The following GUCY2C variants were observed in gnomAD, a reference collection of about 807,000 sequenced individuals.
The protein encoded by GUCY2C is guanylate cyclase 2C, also known as guanylyl cyclase C.
A neutral mutation model predicts 131.1 loss-of-function variants in GUCY2C; 118 were observed. The observed-to-expected ratio is 0.90, with a 90% CI of 0.78 to 1.05. The LOEUF (loss-of-function observed/expected upper bound fraction) is 1.05, where lower values mean the gene tolerates loss of function less well. Among genes scored for constraint, GUCY2C ranks in the 50% least tolerant of loss-of-function variants. The pLI, the probability that GUCY2C is intolerant of heterozygous loss-of-function variation, is 0.00. For synonymous variants in GUCY2C, 452 were observed against 457.8 expected (o/e 0.99, Z 0.16); for missense variants, 1,161 against 1,304.4 (o/e 0.89, Z 1.69).
At chr12:14,642,333 T>C (rs902041178) in intron 17 of GUCY2C, among the ~76,000 whole-genome samples, 7 of 152,206 alleles carry the variant, frequency 4.6e-5, no homozygotes, top group African/African-American at 1.4e-4. Context: ...ATAACGGGCA[T>C]GCAATTAATT....
chr12:14,664,649 T>C (rs1481846013), intron 10 of GUCY2C, among the ~76,000 whole-genome samples: 1 of 152,196 alleles, frequency 6.6e-6, no homozygotes, highest in Non-Finnish European at 1.5e-5. Flanking sequence ...TCACATTCTA[T>C]TTAACTCATC....
At chr12:14,626,331 A>G (rs984243964) in intron 20 of GUCY2C, among the ~76,000 whole-genome samples, 2 of 152,154 alleles carry the variant, frequency 1.3e-5, no homozygotes, top group African/African-American at 4.8e-5. Flanking sequence ...AAACAAACAA[A>G]CAAACAAAAA....
At chr12:14,685,129 AC>A (rs1297546852) in intron 3 of GUCY2C, among the ~76,000 whole-genome samples, 1 of 152,190 alleles carries the variant, frequency 6.6e-6, no homozygotes, top group East Asian at 1.9e-4. Flanking sequence ...AATGCTTTGC[AC>A]GTAGAAGGTC....
chr12:14,688,213 T>C, intron 1 of GUCY2C, 150 bp from the exon 2 acceptor site: 1 of 598,270 alleles, frequency 1.7e-6, no homozygotes, highest in East Asian at 2.8e-5. Context: ...TCCTGGTCAC[T>C]TTTTTCCTCT....
At chr12:14,663,010 T>G (rs1262533775) in intron 10 of GUCY2C, among the ~76,000 whole-genome samples, 4 of 152,166 alleles carry the variant, frequency 2.6e-5, no homozygotes, top group Non-Finnish European at 4.4e-5. Flanking sequence ...AGGTGTTCAA[T>G]AATTGTACCG....
chr12:14,687,865 G>A (rs966519759), intron 2 of GUCY2C, 86 bp downstream of exon 2: 5 of 765,704 alleles, frequency 6.5e-6, no homozygotes, highest in Non-Finnish European at 1.2e-5. Flanking sequence ...TGGGAGAGCT[G>A]CTTCATGGTC....
chr12:14,690,641 A>T (rs1228695692), intron 1 of GUCY2C, among the ~76,000 whole-genome samples: 1 of 151,878 alleles, frequency 6.6e-6, no homozygotes, highest in Non-Finnish European at 1.5e-5. Context: ...TCCCATGTTC[A>T]TGCCATTCTC....
intron 20 of GUCY2C, among the ~76,000 whole-genome samples, chr12:14,627,740 A>G (rs543603243): frequency 6.6e-6 from 1 of 152,172 alleles, no homozygotes; most frequent in Non-Finnish European, 1.5e-5. Context: ...TCAGTCACAT[A>G]TAAAGTCTCA....
At position 14,625,475 on chromosome 12, in the gene GUCY2C, G is replaced by A. The variant is rs113275299; in HGVS notation, c.2408+282C>T. On this transcript the variant is annotated intron_variant, in intron 21 of 26. Coordinates refer to ENST00000261170, the MANE Select transcript of GUCY2C (RefSeq NM_004963.4). ...CCCGAGTAGCTGGGACTAAAGGTGC[G>A]CGCCACCACACCTGGCTAATTTTTT... Among the ~76,000 whole-genome samples, 2,340 of 151,800 alleles carry A rather than the reference G, an allele frequency of 0.015. 65 individuals are homozygous for A. The highest frequency in any genetic ancestry group is 0.053 in the African/African-American group (2,171 of 41,342).
chr12:14,615,673 T>C (rs1328139455), intron 25 of GUCY2C, among the ~76,000 whole-genome samples: 1 of 151,260 alleles, frequency 6.6e-6, no homozygotes, highest in Non-Finnish European at 1.5e-5. Context: ...GTTAAACTCA[T>C]TTAAAAAAGT....
At chr12:14,633,910 G>C (rs1386958339) in intron 19 of GUCY2C, among the ~76,000 whole-genome samples, 1 of 152,066 alleles carries the variant, frequency 6.6e-6, no homozygotes, top group African/African-American at 2.4e-5. Context: ...ACATGATATA[G>C]ACACCATAAA....
rs768057458 is a variant in GUCY2C, at chr12:14,621,033, A to T, written c.2776+9T>A. On this transcript the variant is annotated intron_variant, in intron 23 of 26. Coordinates refer to ENST00000261170, the MANE Select transcript of GUCY2C (RefSeq NM_004963.4). ...GGTTCCCAATTTGCTAAGATGCTCA[A>T]CTCCATACCAGAGTGAACTCCAATG... The T allele has an allele frequency of 6.2e-7, 1 of 1,611,930 alleles. No individual in the cohort carries two copies. The highest frequency in any genetic ancestry group is 1.7e-5 in the Admixed American group (1 of 59,854).
chr12:14,625,913 AG>A lies in GUCY2C; in HGVS notation c.2251del (p.Leu751PhefsTer14). On this transcript the variant is annotated frameshift_variant and splice_region_variant, in exon 21 of 27. Coordinates refer to ENST00000261170, the MANE Select transcript of GUCY2C (RefSeq NM_004963.4). LOFTEE classifies it high-confidence loss of function. ...GCTTTCATTTTTTTGGTCATGAAAA[AG>A]TCTGTAGGTAGTAATAGATAAAGAG... ...IETTLAKIFG[L>X]FHDQKNESYM... The A allele has an allele frequency of 6.3e-7, 1 of 1,599,606 alleles. No individual in the cohort carries two copies. Among genetic ancestry groups the A allele is most frequent in the Non-Finnish European group, 8.6e-7 (1 of 1,166,984 alleles).
chr12:14,689,177 A>G (rs1948531389), intron 1 of GUCY2C, among the ~76,000 whole-genome samples: 1 of 152,242 alleles, frequency 6.6e-6, no homozygotes, highest in African/African-American at 2.4e-5. Context: ...GAGCAAAAGT[A>G]GAGAAAAATG....
intron 12 of GUCY2C, among the ~76,000 whole-genome samples, chr12:14,653,678 AGGTTG>A (rs1947710142): frequency 6.6e-6 from 1 of 152,190 alleles, no homozygotes; most frequent in Non-Finnish European, 1.5e-5. Flanking sequence ...GACAGAGAAA[AGGTTG>A]GGAACAATTG....
chr12:14,647,721 T>C lies in GUCY2C; in HGVS notation c.1711-2406A>G, dbSNP rs1291932947. ...CAGTGTTCTTAACTGATTCTTTGCA[T>C]TTCACGTTGAGTATTTTCAAATAAA... is the stretch of plus-strand genomic sequence containing the variant. On this transcript the variant is annotated intron_variant, in intron 15 of 26. Transcript: ENST00000261170. 7.2e-5 allele frequency among the ~76,000 whole-genome samples: 11 copies of C among 152,282 alleles called. No individual in the cohort carries two copies. In the East Asian group the frequency reaches 2.1e-3, roughly 29 times the overall value.
intron 9 of GUCY2C, among the ~76,000 whole-genome samples, chr12:14,671,649 T>A (rs1280195328): frequency 6.6e-6 from 1 of 152,204 alleles, no homozygotes. Context: ...AATTTGCTTA[T>A]AGAGAGAATA....
chr12:14,687,418 G>T (rs1405141566), intron 2 of GUCY2C, among the ~76,000 whole-genome samples: 1 of 152,126 alleles, frequency 6.6e-6, no homozygotes, highest in Admixed American at 6.5e-5. Flanking sequence ...TCAGGAGTTT[G>T]AGACCAGCCT....
intron 19 of GUCY2C, among the ~76,000 whole-genome samples, chr12:14,636,918 G>A (rs575381952): frequency 2.8e-4 from 42 of 151,778 alleles, no homozygotes; most frequent in Middle Eastern, 3.4e-3. Flanking sequence ...GTGAAACCCC[G>A]TCTCTACTAA....
Sources: gnomAD v4.1 joint callset for allele counts (sites outside exome capture counted in the v4.1 genomes callset) on GRCh38, gnomAD v4.1.1 for gene constraint, MANE v1.5 for transcripts, NCBI Gene and HGNC (gene_info 2026-07-23, HGNC 2026-07-21) for gene names.